Variants in M6PR observed in about 807,000 individuals in gnomAD.
M6PR encodes cation-dependent mannose-6-phosphate receptor.
M6PR carries 19 observed loss-of-function variants against 33.1 expected under a neutral mutation model. That is an observed-to-expected ratio of 0.57 (90% CI 0.40 to 0.84). M6PR has a LOEUF of 0.84. M6PR is among the 40% of genes least tolerant of loss of function. The probability of loss-of-function intolerance (pLI) is 0.00; values close to 1 mark genes in which losing one functional copy is unlikely to be tolerated. For synonymous variants in M6PR, 111 were observed against 123.4 expected (o/e 0.90, Z 0.67); for missense variants, 295 against 336.0 (o/e 0.88, Z 0.95).
chr12:8,941,654 G>C lies in M6PR; in HGVS notation c.*164C>G. On this transcript the variant is annotated 3_prime_UTR_variant, in exon 7 of 7. Transcript: ENST00000000412. Reference sequence around the variant, plus strand: ...AAAAACAGAAAATAAGGAACAAAGGGAAGGCAGTTTTACTAGTGAGAAGAT... The same window carrying C: ...AAAAACAGAAAATAAGGAACAAAGGCAAGGCAGTTTTACTAGTGAGAAGAT... 1 of 774,082 alleles carries C rather than the reference G, an allele frequency of 1.3e-6. No individual in the cohort carries two copies. The highest frequency in any genetic ancestry group is 2.6e-5 in the Admixed American group (1 of 39,020). 48.0% of individuals were successfully genotyped at this position (774,082 alleles called of 1,614,324 possible). A position where few individuals can be genotyped will look rare whatever the true frequency, so the allele number is the denominator to read the frequency against.
At chr12:8,943,329 A>C (rs952441820) in intron 5 of M6PR, 76 bp downstream of exon 5, 14 of 1,536,566 alleles carry the variant, frequency 9.1e-6, no homozygotes, top group Non-Finnish European at 1.3e-5. Flanking sequence ...ATTTGTGCTT[A>C]TGTACCACCA....
intron 6 of M6PR, 146 bp downstream of exon 6, chr12:8,942,270 C>T: frequency 9.4e-7 from 1 of 1,067,850 alleles, no homozygotes; most frequent in Middle Eastern, 3.0e-4. Flanking sequence ...TGTACTAGGG[C>T]AACTGTCTTG....
chr12:8,942,642 A>G (rs1417522231), intron 5 of M6PR, 100 bp from the exon 6 acceptor site: 1 of 1,301,608 alleles, frequency 7.7e-7, no homozygotes, highest in African/African-American at 1.5e-5. Context: ...CCTAAGATAC[A>G]TTCCCTGAAA....
chr12:8,948,772 T>G (rs762108286), intron 1 of M6PR, among the ~76,000 whole-genome samples: 3 of 152,238 alleles, frequency 2.0e-5, no homozygotes, highest in Non-Finnish European at 4.4e-5. Flanking sequence ...TCTGTAGCAC[T>G]CACTTCCCCA....
chr12:8,943,573 G>C (rs1372655606), intron 4 of M6PR, 38 bp from the exon 5 acceptor site: 1 of 1,613,376 alleles, frequency 6.2e-7, no homozygotes, highest in South Asian at 1.1e-5. Context: ...AGGTGGTTAA[G>C]TGTTTTGACT....
rs1338358561 is a variant in M6PR, at chr12:8,943,541, G to C, written c.454-6C>G. ...GACACAGGGTTAAAATTGTCCTGAT[G>C]ATGAGATGGCATAACACATTCAGGT... On this transcript the variant is annotated splice_polypyrimidine_tract_variant and splice_region_variant and intron_variant, in intron 4 of 6. Transcript: ENST00000000412. 11 of 1,614,040 alleles carry C rather than the reference G, an allele frequency of 6.8e-6. No homozygotes were observed. Among genetic ancestry groups the C allele is most frequent in the Non-Finnish European group, 9.3e-6 (11 of 1,180,016 alleles).
In M6PR at chr12:8,949,588, T is replaced by C. The variant is rs1428389402; in HGVS notation, c.-102A>G. The C allele has an allele frequency of 1.3e-5, 2 of 151,992 alleles. No homozygotes were observed. The highest frequency in any genetic ancestry group is 4.8e-5 in the African/African-American group (2 of 41,338). The allele number at this position is 151,992 out of a possible 1,614,324, so 9.4% of individuals were successfully genotyped here. ...GCTAGGGGCCGGCCGCAGACCCCGG[T>C]CCCAGAGCTAGTTTCAGAGGCCAGC... On this transcript the variant is annotated 5_prime_UTR_variant, in exon 1 of 7. Transcript: ENST00000000412. The surrounding 1 kb of genome is among the most constrained non-coding windows in gnomAD (Gnocchi z 5.6).
rs765934214 is a variant in M6PR at position 8,946,418 on chromosome 12, G to A, written c.-1-13C>T. 1 of 1,612,698 alleles carries A rather than the reference G, an allele frequency of 6.2e-7. No individual in the cohort carries two copies. On this transcript the variant is annotated splice_polypyrimidine_tract_variant and intron_variant, in intron 1 of 6. Coordinates refer to ENST00000000412, the MANE Select transcript of M6PR (RefSeq NM_002355.4). ...GAAAGGGAACATCCTTTGGGAGAGA[G>A]TGTGTGTTGGGGAGGGCAGGTAGGA...
intron 6 of M6PR, 59 bp downstream of exon 6, chr12:8,942,357 G>A: frequency 6.2e-7 from 1 of 1,612,820 alleles, no homozygotes; most frequent in African/African-American, 1.3e-5. Context: ...AAACGAGGAT[G>A]GTTGGTCACC....
chr12:8,943,076 C>T (rs1946046021), intron 5 of M6PR, among the ~76,000 whole-genome samples: 1 of 152,068 alleles, frequency 6.6e-6, no homozygotes, highest in South Asian at 2.1e-4. Context: ...GCCTCAGCCT[C>T]CCAAGTAGCT....
chr12:8,942,653 AGG>A, intron 5 of M6PR, 111 bp from the exon 6 acceptor site: 1 of 1,160,096 alleles, frequency 8.6e-7, no homozygotes, highest in Non-Finnish European at 1.2e-6. Flanking sequence ...TTCCCTGAAA[AGG>A]AAAAATGAGT....
At chr12:8,946,475 G>C in intron 1 of M6PR, 70 bp from the exon 2 acceptor site, 1 of 1,208,088 alleles carries the variant, frequency 8.3e-7, no homozygotes, top group Non-Finnish European at 1.2e-6. Context: ...TAAAGCGTAT[G>C]AATGTGTAAT....
chr12:8,945,699 T>C (rs772584847), intron 2 of M6PR, 115 bp from the exon 3 acceptor site: 3 of 808,422 alleles, frequency 3.7e-6, no homozygotes, highest in South Asian at 3.6e-5. Flanking sequence ...ATTTATTTAT[T>C]TGAGGTCATG....
chr12:8,941,717 A>G lies in M6PR; in HGVS notation c.*101T>C. The G allele has an allele frequency of 7.0e-7, 1 of 1,426,872 alleles. No individual in the cohort carries two copies. Among genetic ancestry groups the G allele is most frequent in the Non-Finnish European group, 9.8e-7 (1 of 1,019,548 alleles). The allele number at this position is 1,426,872 out of a possible 1,614,324, so 88.4% of individuals were successfully genotyped here. ...CAAACTGGAAAGCAAGAGCAATAGT[A>G]AGGGTGAGATGAGGGACTGGAGTTG... On this transcript the variant is annotated 3_prime_UTR_variant, in exon 7 of 7. Coordinates refer to ENST00000000412, the MANE Select transcript of M6PR (RefSeq NM_002355.4).
rs1945981253 is a variant in M6PR, at chr12:8,940,517, A to AG, written c.*1300_*1301insC. 7.6e-6 allele frequency: 1 copy of AG among 130,994 alleles called. No homozygotes were observed. Among genetic ancestry groups the AG allele is most frequent in the African/African-American group, 2.9e-5 (1 of 34,482 alleles). 8.1% of individuals were successfully genotyped at this position (130,994 alleles called of 1,614,324 possible). On this transcript the variant is annotated 3_prime_UTR_variant, in exon 7 of 7. Coordinates refer to ENST00000000412, the MANE Select transcript of M6PR (RefSeq NM_002355.4). ...ATTTTCCCTGTTTAGAAAGAAAAAA[A>AG]TCACTCCAATAGTATTGAAAAGTCC...
intron 2 of M6PR, among the ~76,000 whole-genome samples, chr12:8,945,955 T>C (rs1946087600): frequency 6.6e-6 from 1 of 152,218 alleles, no homozygotes; most frequent in African/African-American, 2.4e-5. Flanking sequence ...TAATGACATG[T>C]GTCGGCCTAA....
chr12:8,943,382 C>G, intron 5 of M6PR, 23 bp downstream of exon 5: 2 of 1,613,888 alleles, frequency 1.2e-6, no homozygotes, highest in Non-Finnish European at 8.5e-7. Flanking sequence ...AAGGTCTGTT[C>G]TGATAAAGGA....
At chr12:8,944,927 A>G (rs11614202) in intron 3 of M6PR, among the ~76,000 whole-genome samples, 115,566 of 151,972 alleles carry the variant, frequency 0.76, 44,963 homozygotes, top group Non-Finnish European at 0.84. Context: ...TTGGGAGGCC[A>G]AGGTGGGCAG....
chr12:8,943,442 T>C lies in M6PR; in HGVS notation c.547A>G (p.Ile183Val), dbSNP rs1362995018. The change falls in exon 5 of 7, where the codon ATC becomes GTC. Residue 183 changes from isoleucine to valine, a missense_variant. Ile to Val is a conservative substitution (Grantham distance 29, BLOSUM62 3). Transcript: ENST00000000412. ...ATGGAACCCACACTGAGGTGGGAGA[T>C]CTCTGGTGAACAGGCCAGGCTGCTA... ...MDSSLACSPE[I>V]SHLSVGSILL... 1.2e-6 allele frequency: 2 copies of C among 1,613,982 alleles called. No homozygotes were observed. The highest frequency in any genetic ancestry group is 8.5e-7 in the Non-Finnish European group (1 of 1,180,014).
Sources: allele counts gnomAD v4.1 joint callset (sites outside exome capture counted in the v4.1 genomes callset), GRCh38; gene constraint gnomAD v4.1.1; non-coding constraint Gnocchi (gnomAD v3.1); transcripts MANE v1.5; gene names NCBI Gene and HGNC (gene_info 2026-07-23, HGNC 2026-07-21).